ANKFY1: variants seen among roughly 807,000 people sequenced by gnomAD.
The protein encoded by ANKFY1 is ankyrin repeat and FYVE domain-containing protein 1.
Under a neutral mutation model 128.3 loss-of-function variants are expected in ANKFY1, and 47 were observed. The observed-to-expected ratio is 0.37, with a 90% CI of 0.29 to 0.47. The LOEUF (loss-of-function observed/expected upper bound fraction) is 0.47, where lower values mean the gene tolerates loss of function less well. ANKFY1 is among the 20% of genes least tolerant of loss of function. The probability of loss-of-function intolerance (pLI) is 1.00; values close to 1 mark genes in which losing one functional copy is unlikely to be tolerated. For synonymous variants in ANKFY1, 553 were observed against 601.6 expected, an observed-to-expected ratio of 0.92 and a Z score of 1.18; for missense variants, 1,222 against 1,510.6, an observed-to-expected ratio of 0.81 and a Z score of 3.17.
chr17:4,210,524 C>A (rs2060107196), intron 4 of ANKFY1, among the ~76,000 whole-genome samples: 1 of 152,016 alleles, frequency 6.6e-6, no homozygotes, highest in Non-Finnish European at 1.5e-5. Flanking sequence ...GCCTGACCAA[C>A]ATGGAGGAAC....
intron 3 of ANKFY1, chr17:4,222,611 A>G: frequency 8.9e-7 from 1 of 1,119,880 alleles, no homozygotes; most frequent in Non-Finnish European, 1.3e-6. Flanking sequence ...TTGACAGTCA[A>G]TTCTTCAAAG....
chr17:4,236,671 A>T (rs986523183), intron 2 of ANKFY1, among the ~76,000 whole-genome samples: 3 of 152,202 alleles, frequency 2.0e-5, no homozygotes, highest in Non-Finnish European at 4.4e-5. Context: ...TGCTGGCAGG[A>T]ATCCAAAGTC....
chr17:4,257,845 C>G (rs987711191), intron 1 of ANKFY1, among the ~76,000 whole-genome samples: 1 of 152,176 alleles, frequency 6.6e-6, no homozygotes, highest in Non-Finnish European at 1.5e-5. Context: ...AGTACCTTAC[C>G]AGATGGAGTT....
chr17:4,242,522 A>C, intron 1 of ANKFY1, 74 bp from the exon 2 acceptor site: 1 of 1,346,910 alleles, frequency 7.4e-7, no homozygotes, highest in Non-Finnish European at 9.9e-7. Context: ...CCCTCATCCC[A>C]TAGACAGGAA....
rs2059182385 is a variant in ANKFY1, at chr17:4,164,760, G to A, written c.*3019C>T. The A allele has an allele frequency of 6.6e-6, 1 of 152,230 alleles. No individual in the cohort carries two copies. Among genetic ancestry groups the A allele is most frequent in the East Asian group, 1.9e-4 (1 of 5,198 alleles). 9.4% of individuals were successfully genotyped at this position (152,230 alleles called of 1,614,324 possible). The stretch of plus-strand genomic sequence containing the variant: ...GTTCAATATGGCAGGTGTGGGACAT[G>A]AGCGGGGAGGAGTGGAGAAACCACA... On this transcript the variant is annotated 3_prime_UTR_variant, in exon 25 of 25. Coordinates refer to ENST00000341657, the MANE Select transcript of ANKFY1 (RefSeq NM_001330063.2).
chr17:4,208,221 A>G (rs897165385), intron 5 of ANKFY1, 139 bp from the exon 6 acceptor site: 6 of 718,566 alleles, frequency 8.3e-6, no homozygotes, highest in Non-Finnish European at 1.3e-5. Context: ...TTTCTCCCCA[A>G]AACCCAATGA....
intron 4 of ANKFY1, 21 bp from the exon 5 acceptor site, chr17:4,209,968 T>C: frequency 6.2e-7 from 1 of 1,600,944 alleles, no homozygotes; most frequent in Non-Finnish European, 8.6e-7. Context: ...GTATTCATCA[T>C]GAGGAGTATT....
rs368100646 is a variant in ANKFY1, at chr17:4,167,753, G to A, written c.*26C>T. Reference sequence around the variant, plus strand: ...AGCTGCTGGGGAGGTGACCAAGGACGTGGCCTGGACCCTCCGGGGGGCTCA... The same window carrying A: ...AGCTGCTGGGGAGGTGACCAAGGACATGGCCTGGACCCTCCGGGGGGCTCA... On this transcript the variant is annotated 3_prime_UTR_variant, in exon 25 of 25. Coordinates refer to ENST00000341657, the MANE Select transcript of ANKFY1 (RefSeq NM_001330063.2). The surrounding 1 kb of genome is among the most constrained non-coding windows in gnomAD (Gnocchi z 4.1). The A allele has an allele frequency of 1.0e-5, 16 of 1,589,690 alleles. No individual in the cohort carries two copies. Among genetic ancestry groups the A allele is most frequent in the East Asian group, 6.7e-5 (3 of 44,460 alleles).
chr17:4,223,449 C>A, intron 3 of ANKFY1: 2 of 1,241,430 alleles, frequency 1.6e-6, no homozygotes, highest in South Asian at 1.2e-5. Context: ...ACTGATGACA[C>A]ACTTCAAGTT....
chr17:4,203,844 AG>A (rs66771464), intron 7 of ANKFY1, among the ~76,000 whole-genome samples: 36,438 of 115,424 alleles, frequency 0.32, 4,927 homozygotes, highest in Non-Finnish European at 0.34. Flanking sequence ...AAAAAAAAAA[AG>A]AAAGAAAGAA....
Position 4,182,187 on chromosome 17 carries a change from G to A in ANKFY1, c.2115C>T (p.Ser705=), listed in dbSNP as rs369949998. The A allele has an allele frequency of 7.8e-6, 12 of 1,528,948 alleles. No individual in the cohort carries two copies. Among genetic ancestry groups the A allele is most frequent in the African/African-American group, 1.4e-5 (1 of 73,304 alleles). 94.7% of individuals were successfully genotyped at this position (1,528,948 alleles called of 1,614,324 possible). A position where few individuals can be genotyped will look rare whatever the true frequency, so the allele number is the denominator to read the frequency against. The part of the protein sequence containing the change: ...ALANNLEDIA[S]TLVRHGCDAT... ...AACGTTGTGCCTGTCTCACCAGAGT[G>A]GATGCGATGTCCTCCAGATTGTTTG... The change falls in exon 15 of 25, where the codon TCC becomes TCT. Residue 705 remains serine (S), a synonymous_variant. Coordinates refer to ENST00000341657, the MANE Select transcript of ANKFY1 (RefSeq NM_001330063.2).
chr17:4,227,138 A>G (rs780421326), intron 3 of ANKFY1, among the ~76,000 whole-genome samples: 10 of 152,226 alleles, frequency 6.6e-5, no homozygotes, highest in Admixed American at 2.0e-4. Flanking sequence ...GGTGAATTCT[A>G]TCAAACATTC....
At chr17:4,223,871 G>T (rs2060372378) in intron 3 of ANKFY1, 13 of 875,536 alleles carry the variant, frequency 1.5e-5, no homozygotes, top group Non-Finnish European at 2.1e-5. Context: ...AAAGGTGCCT[G>T]TCATGGATGC....
intron 1 of ANKFY1, among the ~76,000 whole-genome samples, chr17:4,250,290 T>C (rs1967757763): frequency 6.6e-6 from 1 of 152,188 alleles, no homozygotes; most frequent in African/African-American, 2.4e-5. Flanking sequence ...TACTATAAAC[T>C]CGACAAGTCC....
intron 1 of ANKFY1, among the ~76,000 whole-genome samples, chr17:4,262,880 A>G (rs1968497331): frequency 6.6e-6 from 1 of 152,202 alleles, no homozygotes; most frequent in Non-Finnish European, 1.5e-5. Flanking sequence ...CTGAAGTCTA[A>G]TGCAAATGAG....
chr17:4,175,825 T>A (rs2059402377), intron 19 of ANKFY1, among the ~76,000 whole-genome samples: 1 of 152,132 alleles, frequency 6.6e-6, no homozygotes, highest in Admixed American at 6.5e-5. Flanking sequence ...GGTTTCAGTA[T>A]GAACAGGGTC....
At position 4,169,231 on chromosome 17, in the gene ANKFY1, G is replaced by A; in HGVS notation, c.3344C>T (p.Ala1115Val). ...TTTGCGAGTGGTGACTCCGAACCTG[G>A]CAGTGCACTCATAGCAGTAGGAGCC... ...CDGSYCYECT[A>V]RFGVTTRKHH... Residue 1115 changes from alanine to valine, a missense_variant, in exon 24 of 25, where the codon GCC becomes GTC. Transcript: ENST00000341657. The surrounding 1 kb of genome is among the most constrained non-coding windows in gnomAD (Gnocchi z 5.0). 3 of 1,552,974 alleles carry A rather than the reference G, an allele frequency of 1.9e-6. No individual in the cohort carries two copies. The highest frequency in any genetic ancestry group is 2.6e-6 in the Non-Finnish European group (3 of 1,147,862).
rs1294649469 is a variant in ANKFY1 at position 4,164,940 on chromosome 17, A to G, written c.*2839T>C. 6.6e-6 allele frequency: 1 copy of G among 152,660 alleles called. No individual in the cohort carries two copies. The highest frequency in any genetic ancestry group is 1.5e-5 in the Non-Finnish European group (1 of 68,052). The allele number at this position is 152,660 out of a possible 1,614,324, so 9.5% of individuals were successfully genotyped here. ...ACGTGGCAGGTGAACTGAGCAATCG[A>G]ATCCAGCCTCAACTAAATTGGTAAT... On this transcript the variant is annotated 3_prime_UTR_variant, in exon 25 of 25. Coordinates refer to ENST00000341657, the MANE Select transcript of ANKFY1 (RefSeq NM_001330063.2).
rs561570653 is a variant in ANKFY1, at chr17:4,169,136, G to A, written c.3377+62C>T. 12 of 1,451,042 alleles carry A rather than the reference G, an allele frequency of 8.3e-6. No homozygotes were observed. In the South Asian group the frequency reaches 1.3e-4, roughly 16 times the overall value. 89.9% of individuals were successfully genotyped at this position (1,451,042 alleles called of 1,614,324 possible). A position where few individuals can be genotyped will look rare whatever the true frequency, so the allele number is the denominator to read the frequency against. On this transcript the variant is annotated intron_variant, in intron 24 of 24. Transcript: ENST00000341657. This position sits in a 1 kb window ranked among gnomAD's most constrained non-coding sequence, Gnocchi z 5.0. Reference sequence around the variant, plus strand: ...AAGTTCACGGCCTGTCCTGGAGAAGGGGGGAAGCAATGACATCAGCGGCAG... The same window carrying A: ...AAGTTCACGGCCTGTCCTGGAGAAGAGGGGAAGCAATGACATCAGCGGCAG...
Sources: gnomAD v4.1 joint callset for allele counts (sites outside exome capture counted in the v4.1 genomes callset) on GRCh38, gnomAD v4.1.1 for gene constraint, Gnocchi (gnomAD v3.1) non-coding constraint, MANE v1.5 for transcripts, NCBI Gene and HGNC (gene_info 2026-07-23, HGNC 2026-07-21) for gene names.